MTUS1: variants seen among roughly 807,000 people sequenced by gnomAD.
MTUS1 encodes microtubule associated scaffold protein 1, also known as microtubule-associated tumor suppressor 1.
MTUS1 carries 109 observed loss-of-function variants against 120.8 expected under a neutral mutation model. The ratio of observed to expected loss-of-function variants is 0.90; its 90% CI spans 0.77 to 1.06. MTUS1 has a LOEUF of 1.06. Ranked by LOEUF, MTUS1 falls within the 50% of genes least tolerant of loss-of-function variation. The probability of loss-of-function intolerance (pLI) is 0.00; values close to 1 mark genes in which losing one functional copy is unlikely to be tolerated. For synonymous variants in MTUS1, 737 were observed against 550.5 expected (o/e 1.34, Z -4.74); for missense variants, 2,210 against 1,486.3 (o/e 1.49, Z -8.01).
In MTUS1 at chr8:17,753,942, G is replaced by C. The variant is rs746590126; in HGVS notation, c.1866C>G (p.Asn622Lys). 5.6e-6 allele frequency: 9 copies of C among 1,614,054 alleles called. No individual in the cohort carries two copies. The East Asian group carries it at 1.6e-4, about 28-fold the overall frequency. ...QEDVDKASSS[N>K]SACETGSVSA... is the part of the protein sequence containing the mutation. Reference sequence around the variant, plus strand: ...AAACGGACCCGGTCTCGCATGCTGAGTTAGAAGAACTGGCTTTGTCAACAT... The same window carrying C: ...AAACGGACCCGGTCTCGCATGCTGACTTAGAAGAACTGGCTTTGTCAACAT... Residue 622 changes from asparagine (N) to lysine (K), a missense_variant, in exon 2 of 15, where the codon AAC becomes AAG. Coordinates refer to ENST00000693296, the MANE Select transcript of MTUS1 (RefSeq NM_001363059.2).
At chr8:17,789,119 G>A (rs1251989689) in intron 1 of MTUS1, among the ~76,000 whole-genome samples, 5 of 151,112 alleles carry the variant, frequency 3.3e-5, no homozygotes, top group African/African-American at 4.9e-5. Context: ...CACAACCTCC[G>A]CCTCCCAGGT....
At chr8:17,725,431 C>T (rs987159584) in intron 3 of MTUS1, among the ~76,000 whole-genome samples, 4 of 152,202 alleles carry the variant, frequency 2.6e-5, no homozygotes, top group African/African-American at 9.7e-5. Context: ...TCCATGTGTG[C>T]TCTGCTCCGA....
At chr8:17,708,875 C>G (rs1053244176) in intron 6 of MTUS1, 1 of 152,216 alleles carries the variant, frequency 6.6e-6, no homozygotes, top group Non-Finnish European at 1.5e-5. Context: ...CAGTGACTCA[C>G]GCCTGTAATC....
chr8:17,730,926 T>C (rs73580536), intron 3 of MTUS1, among the ~76,000 whole-genome samples: 7,514 of 152,226 alleles, frequency 0.049, 245 homozygotes, highest in East Asian at 0.15. Context: ...ATGTACTTAA[T>C]GCCACAGAGC....
At chr8:17,711,379 GCTGCTTCGCC>G (rs1821269764) in intron 6 of MTUS1, among the ~76,000 whole-genome samples, 1 of 152,168 alleles carries the variant, frequency 6.6e-6, no homozygotes, top group African/African-American at 2.4e-5. Context: ...ATCAGCACTT[GCTGCTTCGCC>G]CTGTACTTTC....
At chr8:17,771,852 G>C (rs774037906) in intron 1 of MTUS1, among the ~76,000 whole-genome samples, 5 of 152,218 alleles carry the variant, frequency 3.3e-5, no homozygotes, top group Non-Finnish European at 5.9e-5. Context: ...AGTTCTGTAT[G>C]TGAGAAAACT....
intron 10 of MTUS1, chr8:17,654,138 A>G (rs1159551907): frequency 5.4e-6 from 1 of 184,048 alleles, no homozygotes; most frequent in African/African-American, 2.4e-5. Flanking sequence ...CCTCCCACTG[A>G]TGACAGATGA....
chr8:17,779,129 G>C (rs906004540), intron 1 of MTUS1, among the ~76,000 whole-genome samples: 1 of 152,196 alleles, frequency 6.6e-6, no homozygotes, highest in Non-Finnish European at 1.5e-5. Context: ...CCAGGAATAA[G>C]TAGTAGGTAA....
At chr8:17,665,548 A>G (rs943044194) in intron 8 of MTUS1, among the ~76,000 whole-genome samples, 4 of 152,052 alleles carry the variant, frequency 2.6e-5, no homozygotes, top group Admixed American at 2.0e-4. Flanking sequence ...TTGAGTAGAT[A>G]TGGGGTTTCA....
chr8:17,721,509 T>C (rs2045840287), intron 4 of MTUS1, among the ~76,000 whole-genome samples: 1 of 151,936 alleles, frequency 6.6e-6, no homozygotes, highest in South Asian at 2.1e-4. Flanking sequence ...ATATTAAGAG[T>C]GCAAAACACA....
chr8:17,708,343 G>A (rs572755976), intron 6 of MTUS1, among the ~76,000 whole-genome samples: 12 of 152,176 alleles, frequency 7.9e-5, no homozygotes, highest in African/African-American at 1.2e-4. Flanking sequence ...GTAAGCACAC[G>A]AAATGACACT....
At chr8:17,796,719 T>C (rs889213102) in intron 1 of MTUS1, among the ~76,000 whole-genome samples, 1 of 152,052 alleles carries the variant, frequency 6.6e-6, no homozygotes, top group Non-Finnish European at 1.5e-5. Flanking sequence ...TATCCAAGAG[T>C]AAATTCAAAG....
At chr8:17,651,069 T>TA (rs1806878994) in intron 12 of MTUS1, among the ~76,000 whole-genome samples, 1 of 152,154 alleles carries the variant, frequency 6.6e-6, no homozygotes, top group Non-Finnish European at 1.5e-5. Flanking sequence ...TTAAGCGCCC[T>TA]ACTCAGGAAA....
chr8:17,689,694 G>C (rs555976828), intron 6 of MTUS1, among the ~76,000 whole-genome samples: 51 of 152,264 alleles, frequency 3.3e-4, no homozygotes, highest in African/African-American at 1.2e-3. Context: ...TAGACACATA[G>C]ATCAGTGGAA....
chr8:17,719,003 C>G (rs1338070617), intron 4 of MTUS1, among the ~76,000 whole-genome samples: 1 of 152,004 alleles, frequency 6.6e-6, no homozygotes, highest in African/African-American at 2.4e-5. Context: ...AACCCTGTCT[C>G]TACTGAAAAT....
intron 6 of MTUS1, among the ~76,000 whole-genome samples, chr8:17,703,506 A>G (rs454316): frequency 0.038 from 5,760 of 151,794 alleles, 348 homozygotes; most frequent in African/African-American, 0.13. Flanking sequence ...GGTGGTGCGC[A>G]CCTGTAGTCC....
At chr8:17,767,414 G>C (rs1794459067) in intron 1 of MTUS1, among the ~76,000 whole-genome samples, 1 of 151,734 alleles carries the variant, frequency 6.6e-6, no homozygotes, top group Non-Finnish European at 1.5e-5. Flanking sequence ...GAGGTAAAAG[G>C]GGCTGGGTAC....
chr8:17,745,635 A>T (rs140902932), intron 2 of MTUS1, among the ~76,000 whole-genome samples: 1 of 152,336 alleles, frequency 6.6e-6, no homozygotes, highest in East Asian at 1.9e-4. Context: ...TGTACTCAAG[A>T]TCACCAGTGT....
intron 13 of MTUS1, 48 bp from the exon 14 acceptor site, chr8:17,647,127 A>G (rs558920349): frequency 1.4e-6 from 2 of 1,460,778 alleles, no homozygotes; most frequent in African/African-American, 2.8e-5. Flanking sequence ...TAAAAAAAAA[A>G]CCCCTCATTT....
Sources: allele counts gnomAD v4.1 joint callset (sites outside exome capture counted in the v4.1 genomes callset), GRCh38; gene constraint gnomAD v4.1.1; transcripts MANE v1.5; gene names NCBI Gene and HGNC (gene_info 2026-07-23, HGNC 2026-07-21).